The following MCF2L variants were observed in gnomAD, a reference collection of about 807,000 sequenced individuals.
The protein encoded by MCF2L is guanine nucleotide exchange factor DBS.
A neutral mutation model predicts 153.4 loss-of-function variants in MCF2L; 97 were observed. The observed-to-expected ratio is 0.63, with a 90% CI of 0.54 to 0.75. The LOEUF is 0.75. Ranked by LOEUF, MCF2L falls within the 30% of genes least tolerant of loss-of-function variation. MCF2L has a pLI of 0.00. For missense variants in MCF2L, 1,347 were observed against 1,495.2 expected, an observed-to-expected ratio of 0.90 and a Z score of 1.64; for synonymous variants, 659 against 632.2, an observed-to-expected ratio of 1.04 and a Z score of -0.64.
At position 112,992,442 on chromosome 13, in the gene MCF2L, A is replaced by G. The variant is rs117067308; in HGVS notation, c.80-22321A>G. On this transcript the variant is annotated intron_variant, in intron 1 of 29. Transcript: ENST00000535094. ...CCGACTTCCCCATCTCAGTGAGGGC[A>G]GTGGAAGGGGAAGCCGTGCTCCTGT... is the stretch of plus-strand genomic sequence containing the variant. Among the ~76,000 whole-genome samples, 770 of 152,324 alleles carry G rather than the reference A, an allele frequency of 5.1e-3. 27 individuals carry two copies. The East Asian group carries it at 0.1, about 21-fold the overall frequency.
rs2084124833 is a variant in MCF2L, at chr13:113,011,681, A to T, written c.80-3082A>T. Among the ~76,000 whole-genome samples the T allele has an allele frequency of 1.4e-5, 2 of 139,672 alleles. 1 individual carries two copies. The highest frequency in any genetic ancestry group is 3.1e-5 in the Non-Finnish European group (2 of 63,882). The allele number at this position is 139,672 out of a possible 152,430, so 91.6% of individuals were successfully genotyped here. ...GTGGACACTGTGATGCAGACGGTGG[A>T]CAGGCGGTGTGGACGGTGGACACCG... On this transcript the variant is annotated intron_variant, in intron 1 of 29. Coordinates refer to ENST00000535094, the MANE Select transcript of MCF2L (RefSeq NM_001112732.3).
At position 113,075,382 on chromosome 13, in the gene MCF2L, C is replaced by CT. The variant is rs35309929; in HGVS notation, c.1308+208dup. Among the ~76,000 whole-genome samples, 497 of 144,338 alleles carry CT rather than the reference C, an allele frequency of 3.4e-3. 6 individuals are homozygous for CT. Among genetic ancestry groups the CT allele is most frequent in the East Asian group, 0.027 (134 of 4,894 alleles). The allele number at this position is 144,338 out of a possible 152,430, so 94.7% of individuals were successfully genotyped here. ...GAATTCATTTGCCACAGTTTTATTT[C>CT]TTTTTTTTTTTTTTTCTCACTGCAA... On this transcript the variant is annotated intron_variant, in intron 11 of 29. Coordinates refer to ENST00000535094, the MANE Select transcript of MCF2L (RefSeq NM_001112732.3).
At chr13:112,925,805 A>C (rs2081395957) in intron 2 of MCF2L, among the ~76,000 whole-genome samples, 1 of 152,230 alleles carries the variant, frequency 6.6e-6, no homozygotes, top group Non-Finnish European at 1.5e-5. Flanking sequence ...CTTAACATAA[A>C]GCAAAACCAC....
intron 2 of MCF2L, among the ~76,000 whole-genome samples, chr13:112,921,440 T>G (rs1396612855): frequency 6.6e-6 from 1 of 152,122 alleles, no homozygotes; most frequent in African/African-American, 2.4e-5. Flanking sequence ...AGCAATAACT[T>G]TAGTAAATCA....
chr13:113,057,450 G>C (rs2030251271), intron 4 of MCF2L, among the ~76,000 whole-genome samples: 1 of 148,288 alleles, frequency 6.7e-6, no homozygotes, highest in Non-Finnish European at 1.5e-5. Context: ...CTGAGTGGGT[G>C]CTGAGTGTTT....
chr13:112,937,377 C>A (rs1055140710), intron 2 of MCF2L, among the ~76,000 whole-genome samples: 1 of 152,118 alleles, frequency 6.6e-6, no homozygotes, highest in Non-Finnish European at 1.5e-5. Context: ...GTATGGTGGA[C>A]GTTATCTTCA....
chr13:113,030,821 A>G (rs1368736093), intron 3 of MCF2L, among the ~76,000 whole-genome samples: 1 of 152,170 alleles, frequency 6.6e-6, no homozygotes, highest in Admixed American at 6.5e-5. Context: ...TGGCCCCCTT[A>G]GAACCACATG....
In MCF2L at chr13:112,938,772, C is replaced by G. The variant is rs2081547346; in HGVS notation, c.169+36401C>G. On this transcript the variant is annotated intron_variant, in intron 2 of 29. Coordinates refer to the MCF2L transcript ENST00000375608. ...TACCAGGGCAAGGTTCTGGGGAGCA[C>G]ACATTCACTAACCCAGCTCCCACAA... 2.0e-5 allele frequency among the ~76,000 whole-genome samples: 3 copies of G among 152,168 alleles called. No individual in the cohort carries two copies. In the South Asian group the frequency reaches 6.2e-4, roughly 32 times the overall value.
intron 2 of MCF2L, chr13:112,917,372 G>T (rs1489310151): frequency 5.7e-6 from 2 of 350,978 alleles, no homozygotes; most frequent in African/African-American, 4.3e-5. Context: ...GCCCGTATCC[G>T]ACCTCCCGGG....
chr13:112,938,396 C>T (rs145054564), intron 2 of MCF2L, among the ~76,000 whole-genome samples: 10 of 152,090 alleles, frequency 6.6e-5, no homozygotes, highest in African/African-American at 2.2e-4. Flanking sequence ...TCTGGGGGCT[C>T]AAGGCATGTG....
Position 113,077,088 on chromosome 13 carries a change from A to G in MCF2L, c.1537A>G (p.Met513Val). 6.2e-7 allele frequency: 1 copy of G among 1,612,948 alleles called. No homozygotes were observed. The highest frequency in any genetic ancestry group is 8.5e-7 in the Non-Finnish European group (1 of 1,179,798). The stretch of plus-strand genomic sequence containing the variant: ...AAAGGTCTTCCAGAAGCAGGCAAGC[A>G]TGGAGGAGGTGTTCCACCGCAGGCA... ...VRKVFQKQAS[M>V]EEVFHRRQAS... is the part of the protein sequence containing the mutation. The change falls in exon 13 of 30, where the codon ATG (methionine) becomes GTG (valine). Residue 513 changes from methionine (M) to valine (V), a missense_variant. Coordinates refer to ENST00000535094, the MANE Select transcript of MCF2L (RefSeq NM_001112732.3).
chr13:112,986,437 G>A (rs148615452), intron 1 of MCF2L, among the ~76,000 whole-genome samples: 9 of 152,330 alleles, frequency 5.9e-5, no homozygotes, highest in East Asian at 5.8e-4. Context: ...AGCAGTAGAC[G>A]TCAGCACCAC....
intron 4 of MCF2L, among the ~76,000 whole-genome samples, chr13:113,056,944 G>T (rs1429066829): frequency 1.6e-5 from 2 of 129,008 alleles, no homozygotes; most frequent in Non-Finnish European, 3.2e-5. Context: ...GTGCTGAGTG[G>T]GTGCTGTGTG....
chr13:113,071,913 G>C (rs1177024813), intron 9 of MCF2L, among the ~76,000 whole-genome samples: 3 of 152,058 alleles, frequency 2.0e-5, no homozygotes, highest in Non-Finnish European at 4.4e-5. Flanking sequence ...AATTTCCTGG[G>C]GTTTTCATAG....
At chr13:113,021,867 A>G (rs2084906605) in intron 2 of MCF2L, among the ~76,000 whole-genome samples, 1 of 152,140 alleles carries the variant, frequency 6.6e-6, no homozygotes, top group Non-Finnish European at 1.5e-5. Context: ...GCTGTGGTGG[A>G]GCACAGAGAG....
chr13:112,999,047 C>T (rs1483291083), intron 1 of MCF2L, among the ~76,000 whole-genome samples: 1 of 152,196 alleles, frequency 6.6e-6, no homozygotes, highest in Non-Finnish European at 1.5e-5. Context: ...GCCACGTGTT[C>T]CGGCCTCTGA....
At chr13:113,034,618 A>T (rs1239470223) in intron 3 of MCF2L, among the ~76,000 whole-genome samples, 1 of 145,898 alleles carries the variant, frequency 6.9e-6, no homozygotes, top group South Asian at 2.2e-4. Context: ...CCCTGGTCTC[A>T]CCCTCGCCCT....
chr13:112,983,347 G>A lies in MCF2L; in HGVS notation c.79+13889G>A, dbSNP rs79010722. Reference sequence around the variant, plus strand: ...ATGTCTTTGGCTTCCCATCTGCTGGGGAGTGTGCCCAGTGGCACTGCGGAA... The same window carrying A: ...ATGTCTTTGGCTTCCCATCTGCTGGAGAGTGTGCCCAGTGGCACTGCGGAA... On this transcript the variant is annotated intron_variant, in intron 1 of 29. Coordinates refer to ENST00000535094, the MANE Select transcript of MCF2L (RefSeq NM_001112732.3). This position sits in a 1 kb window ranked among gnomAD's most constrained non-coding sequence, Gnocchi z 4.0. Among the ~76,000 whole-genome samples the A allele has an allele frequency of 0.015, 2,319 of 152,314 alleles. 64 individuals carry two copies. Among genetic ancestry groups the A allele is most frequent in the African/African-American group, 0.054 (2,229 of 41,554 alleles).
chr13:113,071,481 T>G (rs2032914015), intron 9 of MCF2L, among the ~76,000 whole-genome samples: 1 of 152,248 alleles, frequency 6.6e-6, no homozygotes, highest in South Asian at 2.1e-4. Flanking sequence ...TATATTCCCC[T>G]AAGCCTTTTT....
Sources: gnomAD v4.1 joint callset for allele counts (sites outside exome capture counted in the v4.1 genomes callset) on GRCh38, gnomAD v4.1.1 for gene constraint, Gnocchi (gnomAD v3.1) non-coding constraint, MANE v1.5 for transcripts, NCBI Gene and HGNC (gene_info 2026-07-23, HGNC 2026-07-21) for gene names.